Variants in SEMA6D observed in about 807,000 individuals in gnomAD.
SEMA6D encodes the protein semaphorin 6D.
A neutral mutation model predicts 106.6 loss-of-function variants in SEMA6D; 35 were observed. That is an observed-to-expected ratio of 0.33 (90% CI 0.25 to 0.44). The LOEUF (loss-of-function observed/expected upper bound fraction) is 0.44, where lower values mean the gene tolerates loss of function less well. Ranked by LOEUF, SEMA6D falls within the 20% of genes least tolerant of loss-of-function variation. The probability of loss-of-function intolerance (pLI) is 1.00; values close to 1 mark genes in which losing one functional copy is unlikely to be tolerated. For missense variants in SEMA6D, 1,185 were observed against 1,345.9 expected (o/e 0.88, Z 1.87); for synonymous variants, 499 against 487.7 (o/e 1.02, Z -0.31).
At chr15:47,316,106 T>TTTTTTTTTTTG (rs1367027803) in intron 1 of SEMA6D, among the ~76,000 whole-genome samples, 1 of 135,982 alleles carries the variant, frequency 7.4e-6, no homozygotes, top group Non-Finnish European at 1.6e-5. Flanking sequence ...TATTTCCTTT[T>TTTTTTTTTTTG]TTTTGAGACA....
At chr15:47,747,026 T>C (rs7180129) in intron 1 of SEMA6D, among the ~76,000 whole-genome samples, 6,509 of 139,434 alleles carry the variant, frequency 0.047, 414 homozygotes, top group African/African-American at 0.13. Context: ...AGGTTCCTTG[T>C]GCATTATACT....
rs753509682 is a variant in SEMA6D, at chr15:47,764,154, A to C, written c.966-20A>C. 1.9e-6 allele frequency: 3 copies of C among 1,613,092 alleles called. No homozygotes were observed. The South Asian group carries it at 3.3e-5, about 18-fold the overall frequency. On this transcript the variant is annotated intron_variant, in intron 10 of 18. Coordinates refer to ENST00000536845, the MANE Select transcript of SEMA6D (RefSeq NM_001358351.3). ...GCTTCATGTCGCCAGCCTCTTCCTGATGATTTTCTTCCTTTTCAGCATCCC... is the reference window on the plus strand; with the variant it reads ...GCTTCATGTCGCCAGCCTCTTCCTGCTGATTTTCTTCCTTTTCAGCATCCC...
At chr15:47,403,865 A>G (rs1291968359) in intron 1 of SEMA6D, among the ~76,000 whole-genome samples, 7 of 152,152 alleles carry the variant, frequency 4.6e-5, no homozygotes, top group Admixed American at 4.6e-4. Flanking sequence ...TGGAGTTTGC[A>G]AGATGATTCT....
chr15:47,327,845 G>A (rs1319884049), intron 1 of SEMA6D, among the ~76,000 whole-genome samples: 1 of 152,162 alleles, frequency 6.6e-6, no homozygotes. Context: ...GGTGGTGGTG[G>A]TCAGGGGAAG....
intron 2 of SEMA6D, among the ~76,000 whole-genome samples, chr15:47,457,016 C>G (rs1412180533): frequency 2.0e-5 from 3 of 151,942 alleles, no homozygotes; most frequent in African/African-American, 7.2e-5. Flanking sequence ...GAAACAGTCT[C>G]AAGAGATCAC....
intron 1 of SEMA6D, among the ~76,000 whole-genome samples, chr15:47,389,443 T>C (rs1450417971): frequency 6.6e-6 from 1 of 151,842 alleles, no homozygotes; most frequent in African/African-American, 2.4e-5. Flanking sequence ...AAAAAAGACA[T>C]CACTGAAATG....
At chr15:47,724,391 G>T (rs1202036868) in intron 1 of SEMA6D, among the ~76,000 whole-genome samples, 1 of 152,208 alleles carries the variant, frequency 6.6e-6, no homozygotes, top group African/African-American at 2.4e-5. Flanking sequence ...GAAAAACAAG[G>T]TGTACAAATA....
At position 47,711,106 on chromosome 15, in the gene SEMA6D, G is replaced by C. The variant is rs928306353; in HGVS notation, c.-54-48639G>C. ...GGGCGGATCACGAGGTCAGGAGATC[G>C]AGACCATCCCGGCTAAAACGGTGAA... is the stretch of plus-strand genomic sequence containing the variant. On this transcript the variant is annotated intron_variant, in intron 4 of 19. Transcript: ENST00000558014. 6.6e-5 allele frequency among the ~76,000 whole-genome samples: 10 copies of C among 151,862 alleles called. 1 individual carries two copies. In the South Asian group the frequency reaches 1.0e-3, roughly 16 times the overall value.
intron 1 of SEMA6D, among the ~76,000 whole-genome samples, chr15:47,297,838 A>G (rs879395968): frequency 2.6e-5 from 4 of 152,064 alleles, no homozygotes; most frequent in African/African-American, 7.2e-5. Context: ...GGATGGGGCA[A>G]TGGGGTGATA....
chr15:47,247,123 C>G (rs1376096993), intron 1 of SEMA6D, among the ~76,000 whole-genome samples: 1 of 152,080 alleles, frequency 6.6e-6, no homozygotes, highest in African/African-American at 2.4e-5. Flanking sequence ...AATATAAGAT[C>G]CAGTCTTTAG....
intron 4 of SEMA6D, among the ~76,000 whole-genome samples, chr15:47,710,857 A>G (rs751649165): frequency 4.6e-5 from 7 of 152,194 alleles, no homozygotes; most frequent in Non-Finnish European, 7.3e-5. Context: ...CCTTAAAAAT[A>G]TCAATTTGAA....
At chr15:47,693,347 C>T (rs896774879) in intron 4 of SEMA6D, among the ~76,000 whole-genome samples, 7 of 152,160 alleles carry the variant, frequency 4.6e-5, no homozygotes, top group African/African-American at 1.2e-4. Context: ...GCCCCTAGAA[C>T]TGTGAGACAG....
At chr15:47,254,728 G>T (rs1160499708) in intron 1 of SEMA6D, among the ~76,000 whole-genome samples, 2 of 152,020 alleles carry the variant, frequency 1.3e-5, no homozygotes, top group Non-Finnish European at 2.9e-5. Flanking sequence ...TTACTGATTT[G>T]CCCATTTTGA....
intron 1 of SEMA6D, among the ~76,000 whole-genome samples, chr15:47,297,062 G>A (rs1479970967): frequency 1.3e-5 from 2 of 152,118 alleles, no homozygotes; most frequent in African/African-American, 4.8e-5. Flanking sequence ...AGGATATTTT[G>A]TCTTATTCAA....
intron 1 of SEMA6D, among the ~76,000 whole-genome samples, chr15:47,312,724 A>T (rs2036498455): frequency 6.6e-6 from 1 of 152,220 alleles, no homozygotes; most frequent in South Asian, 2.1e-4. Flanking sequence ...TAATTTAAAC[A>T]ATATTTTTAT....
At chr15:47,280,179 C>A (rs1246947172) in intron 1 of SEMA6D, among the ~76,000 whole-genome samples, 1 of 152,060 alleles carries the variant, frequency 6.6e-6, no homozygotes, top group African/African-American at 2.4e-5. Flanking sequence ...GGTTGGTAAG[C>A]TATTGATTAT....
At chr15:47,749,191 C>T (rs2081301025) in intron 1 of SEMA6D, among the ~76,000 whole-genome samples, 1 of 151,072 alleles carries the variant, frequency 6.6e-6, no homozygotes, top group African/African-American at 2.4e-5. Context: ...AAGCAATTCT[C>T]CTGCCTCAGC....
At position 47,514,612 on chromosome 15, in the gene SEMA6D, A is replaced by G. The variant is rs115780635; in HGVS notation, c.-87+44067A>G. ...GACTCATCAGAAAACTATGAAAGCT[A>G]TATCTTGAAAACATGTCCATAGTCT... On this transcript the variant is annotated intron_variant, in intron 3 of 19. Coordinates refer to the SEMA6D transcript ENST00000558014. Among the ~76,000 whole-genome samples the G allele has an allele frequency of 5.7e-3, 870 of 152,312 alleles. 4 individuals are homozygous for G. The highest frequency in any genetic ancestry group is 0.019 in the African/African-American group (784 of 41,568).
intron 1 of SEMA6D, among the ~76,000 whole-genome samples, chr15:47,719,310 G>A (rs2079284384): frequency 6.6e-6 from 1 of 152,140 alleles, no homozygotes; most frequent in South Asian, 2.1e-4. Context: ...CACAGGGAAG[G>A]CGCAGCACAT....
Sources: allele counts gnomAD v4.1 joint callset (sites outside exome capture counted in the v4.1 genomes callset), GRCh38; gene constraint gnomAD v4.1.1; transcripts MANE v1.5; gene names NCBI Gene and HGNC (gene_info 2026-07-23, HGNC 2026-07-21).